Variants in TAOK1 observed in about 807,000 individuals in gnomAD.
The protein encoded by TAOK1 is serine/threonine-protein kinase TAO1.
In TAOK1, 21 loss-of-function variants were observed where a neutral mutation model predicts 138.3. The ratio of observed to expected loss-of-function variants is 0.15; its 90% CI spans 0.11 to 0.22. TAOK1 has a LOEUF of 0.22. Among genes scored for constraint, TAOK1 ranks in the 10% least tolerant of loss-of-function variants. The pLI, the probability that TAOK1 is intolerant of heterozygous loss-of-function variation, is 1.00. For synonymous variants in TAOK1, 361 were observed against 398.4 expected, an observed-to-expected ratio of 0.91 and a Z score of 1.12; for missense variants, 651 against 1,227.7, an observed-to-expected ratio of 0.53 and a Z score of 7.02.
chr17:29,402,505 A>G (rs768778838), intron 1 of TAOK1, among the ~76,000 whole-genome samples: 2 of 152,046 alleles, frequency 1.3e-5, no homozygotes, highest in African/African-American at 2.4e-5. Flanking sequence ...AGGTTTTGTC[A>G]CATTGCCCAA....
At chr17:29,497,555 C>A (rs937772496) in intron 11 of TAOK1, among the ~76,000 whole-genome samples, 1 of 151,982 alleles carries the variant, frequency 6.6e-6, no homozygotes, top group Non-Finnish European at 1.5e-5. Flanking sequence ...TGCCCAGATA[C>A]TACAGCTGCC....
intron 2 of TAOK1, 97 bp from the exon 3 acceptor site, chr17:29,467,048 A>G (rs2030685395): frequency 1.3e-5 from 11 of 820,056 alleles, no homozygotes; most frequent in Middle Eastern, 2.5e-4. Flanking sequence ...CCTTTTTGAC[A>G]TGGTAGTTTA....
chr17:29,458,628 C>G (rs557706908), intron 2 of TAOK1, among the ~76,000 whole-genome samples: 87 of 152,290 alleles, frequency 5.7e-4, no homozygotes, highest in African/African-American at 2.0e-3. Context: ...TCCCCAGTAG[C>G]TGGAATTACA....
intron 8 of TAOK1, among the ~76,000 whole-genome samples, chr17:29,489,266 G>A (rs1490272750): frequency 6.6e-6 from 1 of 152,182 alleles, no homozygotes; most frequent in Non-Finnish European, 1.5e-5. Flanking sequence ...GGGAGGCTGA[G>A]TTGGGAGGAT....
chr17:29,481,081 G>A (rs2031052379), intron 7 of TAOK1, among the ~76,000 whole-genome samples: 1 of 151,752 alleles, frequency 6.6e-6, no homozygotes, highest in Non-Finnish European at 1.5e-5. Context: ...TTCAGTCTTG[G>A]TTATTGTGGC....
At chr17:29,520,986 T>C (rs1393640917) in intron 16 of TAOK1, among the ~76,000 whole-genome samples, 1 of 151,700 alleles carries the variant, frequency 6.6e-6, no homozygotes, top group Non-Finnish European at 1.5e-5. Context: ...GTTGGTACCA[T>C]TGCACTCCAA....
At chr17:29,522,547 C>A (rs1221934180) in intron 17 of TAOK1, 28 bp downstream of exon 17, 1 of 1,611,486 alleles carries the variant, frequency 6.2e-7, no homozygotes, top group South Asian at 1.1e-5. Flanking sequence ...TTTTTGATAA[C>A]AGGGAGGAGA....
intron 1 of TAOK1, among the ~76,000 whole-genome samples, 194 bp downstream of exon 1, chr17:29,391,218 TC>T (rs1258730829): frequency 1.3e-5 from 2 of 152,044 alleles, no homozygotes; most frequent in Non-Finnish European, 2.9e-5. Flanking sequence ...CGAGAGCAAT[TC>T]CATTCCTTTT....
At chr17:29,532,984 G>T in intron 18 of TAOK1, among the ~76,000 whole-genome samples, 2 of 24,364 alleles carry the variant, frequency 8.2e-5, no homozygotes, top group Non-Finnish European at 7.9e-5. Context: ...GCCGGGCAGG[G>T]GGCTGACCCC....
At chr17:29,533,644 G>A (rs962305405) in intron 18 of TAOK1, among the ~76,000 whole-genome samples, 4 of 151,966 alleles carry the variant, frequency 2.6e-5, no homozygotes, top group Non-Finnish European at 4.4e-5. Context: ...CTGGAGACCA[G>A]CCCGGCCAAC....
chr17:29,459,498 G>T (rs2030480877), intron 2 of TAOK1, among the ~76,000 whole-genome samples: 1 of 151,908 alleles, frequency 6.6e-6, no homozygotes, highest in Non-Finnish European at 1.5e-5. Flanking sequence ...TGTTGGCCAG[G>T]CTGGTCTCGA....
At chr17:29,439,609 C>T (rs1197399645) in intron 1 of TAOK1, among the ~76,000 whole-genome samples, 1 of 152,022 alleles carries the variant, frequency 6.6e-6, no homozygotes, top group Non-Finnish European at 1.5e-5. Flanking sequence ...GAACAGTTAC[C>T]TGTGTATTTT....
chr17:29,529,622 T>A lies in TAOK1; in HGVS notation c.2149-785T>A, dbSNP rs552539079. On this transcript the variant is annotated intron_variant, in intron 17 of 19. Transcript: ENST00000261716. The stretch of plus-strand genomic sequence containing the variant: ...TGGTTCACGCCTGTAATCCCAGCAC[T>A]TAGGAGGCCAAGGCAGGCAGATCAC... 3.3e-5 allele frequency among the ~76,000 whole-genome samples: 5 copies of A among 152,160 alleles called. No homozygotes were observed. In the East Asian group the frequency reaches 7.7e-4, roughly 24 times the overall value.
intron 8 of TAOK1, among the ~76,000 whole-genome samples, chr17:29,488,581 A>ATAATAATAG (rs56389864): frequency 7.3e-6 from 1 of 137,470 alleles, no homozygotes; most frequent in African/African-American, 3.2e-5. Context: ...TCAAAAAATA[A>ATAATAATAG]TAATAATAAT....
rs552978137 is a variant in TAOK1 at position 29,447,851 on chromosome 17, T to A, written c.-94-3604T>A. On this transcript the variant is annotated intron_variant, in intron 1 of 19. Transcript: ENST00000261716. Reference sequence around the variant, plus strand: ...TTTGTATTTTTAGTAGAGACAGGGTTTCCCATGTTGGCCAGGCTGGTTTTG... The same window carrying A: ...TTTGTATTTTTAGTAGAGACAGGGTATCCCATGTTGGCCAGGCTGGTTTTG... Among the ~76,000 whole-genome samples, 3 of 151,538 alleles carry A rather than the reference T, an allele frequency of 2.0e-5. No individual in the cohort carries two copies. In the East Asian group the frequency reaches 5.8e-4, roughly 29 times the overall value.
chr17:29,498,297 C>G, intron 11 of TAOK1, 21 bp from the exon 12 acceptor site: 2 of 1,613,176 alleles, frequency 1.2e-6, no homozygotes, highest in Non-Finnish European at 1.7e-6. Flanking sequence ...TTGAACTGAA[C>G]TGAATGTCCT....
chr17:29,467,854 C>T lies in TAOK1; in HGVS notation c.204+638C>T, dbSNP rs1369802810. ...TTTTATTTTTTTTTAGATAGAGTCTCGCTCTGTCACCTAAGCTGGAATGCA... is the reference window on the plus strand; with the variant it reads ...TTTTATTTTTTTTTAGATAGAGTCTTGCTCTGTCACCTAAGCTGGAATGCA... On this transcript the variant is annotated intron_variant, in intron 3 of 19. Coordinates refer to ENST00000261716, the MANE Select transcript of TAOK1 (RefSeq NM_020791.4). Among the ~76,000 whole-genome samples, 25 of 150,904 alleles carry T rather than the reference C, an allele frequency of 1.7e-4. No homozygotes were observed. The East Asian group carries it at 4.1e-3, about 25-fold the overall frequency.
Position 29,534,098 on chromosome 17 carries a change from T to TCA in TAOK1, c.2362-19_2362-18insAC. 6.8e-7 allele frequency: 1 copy of TCA among 1,464,784 alleles called. No individual in the cohort carries two copies. Among genetic ancestry groups the TCA allele is most frequent in the Non-Finnish European group, 9.2e-7 (1 of 1,089,382 alleles). The allele number at this position is 1,464,784 out of a possible 1,614,324, so 90.7% of individuals were successfully genotyped here. A position where few individuals can be genotyped will look rare whatever the true frequency, so the allele number is the denominator to read the frequency against. ...CATTAGGATATATCTTTTTTTTTTC[T>TCA]CTCTCTCTCTCTGTCTCAGCTGCGT... On this transcript the variant is annotated intron_variant, in intron 18 of 19. Coordinates refer to ENST00000261716, the MANE Select transcript of TAOK1 (RefSeq NM_020791.4).
intron 1 of TAOK1, among the ~76,000 whole-genome samples, chr17:29,401,287 T>C (rs568153961): frequency 6.6e-6 from 1 of 152,208 alleles, no homozygotes; most frequent in Non-Finnish European, 1.5e-5. Context: ...CTGGGTAATT[T>C]ATAAAGAAAA....
Sources: allele counts gnomAD v4.1 joint callset (sites outside exome capture counted in the v4.1 genomes callset), GRCh38; gene constraint gnomAD v4.1.1; transcripts MANE v1.5; gene names NCBI Gene and HGNC (gene_info 2026-07-23, HGNC 2026-07-21).